The following CYYR1 variants were observed in gnomAD, a reference collection of about 807,000 sequenced individuals.
The protein encoded by CYYR1 is cysteine and tyrosine rich 1.
CYYR1 carries 14 observed loss-of-function variants against 15.2 expected under a neutral mutation model. The ratio of observed to expected loss-of-function variants is 0.92; its 90% CI spans 0.61 to 1.44. CYYR1 has a LOEUF of 1.44. CYYR1 is among the 40% of genes most tolerant of loss of function. The pLI, the probability that CYYR1 is intolerant of heterozygous loss-of-function variation, is 0.00. For missense variants in CYYR1, 228 were observed against 209.5 expected, an observed-to-expected ratio of 1.09 and a Z score of -0.54; for synonymous variants, 80 against 77.4, an observed-to-expected ratio of 1.03 and a Z score of -0.18.
intron 2 of CYYR1, among the ~76,000 whole-genome samples, chr21:26,533,877 A>G (rs1234161575): frequency 6.6e-6 from 1 of 152,178 alleles, no homozygotes; most frequent in Non-Finnish European, 1.5e-5. Flanking sequence ...AAAGTCACTT[A>G]TTCTTTCATG....
At chr21:26,472,790 G>GTTAT (rs1166201095) in intron 3 of CYYR1, among the ~76,000 whole-genome samples, 1 of 151,976 alleles carries the variant, frequency 6.6e-6, no homozygotes, top group Non-Finnish European at 1.5e-5. Flanking sequence ...AAAATATATA[G>GTTAT]TTATTCATTT....
intron 2 of CYYR1, chr21:26,564,907 AT>A (rs1286313531): frequency 2.7e-6 from 2 of 736,922 alleles, no homozygotes; most frequent in African/African-American, 3.7e-5. Flanking sequence ...CTGCGAAGTA[AT>A]ATGCCACTGT....
chr21:26,542,738 T>C (rs1978662830), intron 2 of CYYR1, among the ~76,000 whole-genome samples: 1 of 152,128 alleles, frequency 6.6e-6, no homozygotes. Flanking sequence ...AATCAATGTA[T>C]AAAGTAATTA....
chr21:26,510,374 T>G (rs146968091), intron 2 of CYYR1, among the ~76,000 whole-genome samples: 2 of 152,240 alleles, frequency 1.3e-5, no homozygotes, highest in Non-Finnish European at 2.9e-5. Flanking sequence ...ACCTAGCCAG[T>G]GAGGTAGGGA....
intron 2 of CYYR1, among the ~76,000 whole-genome samples, chr21:26,487,668 G>A (rs2065268608): frequency 6.6e-6 from 1 of 151,888 alleles, no homozygotes; most frequent in East Asian, 1.9e-4. Context: ...AAACTCAATG[G>A]AGTATCATTT....
At chr21:26,525,080 A>C (rs222931) in intron 2 of CYYR1, among the ~76,000 whole-genome samples, 93,541 of 151,982 alleles carry the variant, frequency 0.62, 28,936 homozygotes, top group East Asian at 0.8. Context: ...CAATTCATTA[A>C]ATCTCTCTAC....
chr21:26,526,879 C>A (rs222935), intron 2 of CYYR1, among the ~76,000 whole-genome samples: 54,619 of 152,098 alleles, frequency 0.36, 11,009 homozygotes, highest in African/African-American at 0.55. Context: ...AAGGAAGGTG[C>A]AAGCATTTAA....
intron 2 of CYYR1, among the ~76,000 whole-genome samples, chr21:26,532,742 A>G (rs2065947904): frequency 6.6e-6 from 1 of 152,172 alleles, no homozygotes; most frequent in Admixed American, 6.6e-5. Context: ...AGTGTAAGAA[A>G]ATGCTTGTTT....
At chr21:26,477,957 G>T in intron 3 of CYYR1, 2 of 1,427,312 alleles carry the variant, frequency 1.4e-6, no homozygotes, top group African/African-American at 2.9e-5. Flanking sequence ...TACATTCCAG[G>T]GTGAAACTTA....
chr21:26,519,523 C>T (rs1370794841), intron 2 of CYYR1, among the ~76,000 whole-genome samples: 2 of 152,078 alleles, frequency 1.3e-5, no homozygotes, highest in African/African-American at 4.8e-5. Context: ...GACATGAGGT[C>T]AGAGGTTAAG....
intron 2 of CYYR1, among the ~76,000 whole-genome samples, chr21:26,489,386 G>A (rs942171523): frequency 3.3e-5 from 5 of 152,010 alleles, no homozygotes; most frequent in African/African-American, 1.2e-4. Context: ...GAACTGCCTG[G>A]TTAGCATTTA....
chr21:26,541,630 C>A (rs1335928546), intron 2 of CYYR1, among the ~76,000 whole-genome samples: 2 of 152,082 alleles, frequency 1.3e-5, no homozygotes, highest in African/African-American at 4.8e-5. Context: ...GTTCTTCAAG[C>A]AAAAGTGAAA....
intron 2 of CYYR1, among the ~76,000 whole-genome samples, chr21:26,495,235 G>C (rs530920712): frequency 1.5e-3 from 229 of 152,292 alleles, no homozygotes; most frequent in African/African-American, 5.4e-3. Flanking sequence ...AGATTGGGCA[G>C]AGAGCGGTAG....
intron 2 of CYYR1, among the ~76,000 whole-genome samples, chr21:26,531,506 G>T (rs1309417454): frequency 6.6e-6 from 1 of 152,096 alleles, no homozygotes; most frequent in African/African-American, 2.4e-5. Flanking sequence ...ACGAGATCTG[G>T]TTGTTTAAAA....
intron 3 of CYYR1, chr21:26,478,270 C>A: frequency 1.7e-6 from 2 of 1,166,738 alleles, no homozygotes; most frequent in Non-Finnish European, 2.4e-6. Flanking sequence ...AGAAGGGACA[C>A]ATTACAATCT....
chr21:26,514,139 T>A (rs943701672), intron 2 of CYYR1, among the ~76,000 whole-genome samples: 2 of 152,044 alleles, frequency 1.3e-5, no homozygotes, highest in Non-Finnish European at 1.5e-5. Flanking sequence ...GTCCCAGACG[T>A]TGGGTGGGGG....
chr21:26,571,932 T>C (rs1054012257), intron 1 of CYYR1, among the ~76,000 whole-genome samples: 3 of 152,232 alleles, frequency 2.0e-5, no homozygotes, highest in African/African-American at 4.8e-5. Flanking sequence ...GACTCTTTTC[T>C]AGCAAGGTTG....
At chr21:26,528,512 T>C (rs1439229515) in intron 2 of CYYR1, among the ~76,000 whole-genome samples, 2 of 152,178 alleles carry the variant, frequency 1.3e-5, no homozygotes, top group Admixed American at 6.5e-5. Flanking sequence ...TGCCTGCTCC[T>C]CAATTGCCTT....
intron 2 of CYYR1, among the ~76,000 whole-genome samples, chr21:26,536,088 A>G (rs1178671105): frequency 2.6e-5 from 4 of 152,154 alleles, no homozygotes; most frequent in Non-Finnish European, 5.9e-5. Context: ...ATGTCTTCAC[A>G]TGGCGGCAGG....
Sources: allele counts gnomAD v4.1 joint callset (sites outside exome capture counted in the v4.1 genomes callset), GRCh38; gene constraint gnomAD v4.1.1; transcripts MANE v1.5; gene names NCBI Gene and HGNC (gene_info 2026-07-23, HGNC 2026-07-21).